Variants in HS3ST5 observed in about 807,000 individuals in gnomAD.
The protein encoded by HS3ST5 is heparan sulfate glucosamine 3-O-sulfotransferase 5.
HS3ST5 carries 10 observed loss-of-function variants against 25.4 expected under a neutral mutation model. That is an observed-to-expected ratio of 0.39 (90% CI 0.24 to 0.67). HS3ST5 has a LOEUF of 0.67. Among genes scored for constraint, HS3ST5 ranks in the 30% least tolerant of loss-of-function variants. The probability of loss-of-function intolerance (pLI) is 0.44; values close to 1 mark genes in which losing one functional copy is unlikely to be tolerated. For missense variants in HS3ST5, 324 were observed against 420.7 expected (o/e 0.77, Z 2.01); for synonymous variants, 170 against 162.4 (o/e 1.05, Z -0.36).
chr6:114,133,121 C>G lies in HS3ST5; in HGVS notation c.-33+35230G>C, dbSNP rs144254715. ...CTCTAGATCCTGCATCTAGATCTGC[C>G]CTTCCTGAATGATGTTCTTGCACAG... On this transcript the variant is annotated intron_variant, in intron 3 of 4. Transcript: ENST00000312719. 4.6e-5 allele frequency among the ~76,000 whole-genome samples: 7 copies of G among 152,192 alleles called. No homozygotes were observed. The East Asian group carries it at 1.4e-3, about 29-fold the overall frequency.
chr6:114,340,723 C>CT (rs1260801954), intron 1 of HS3ST5: 2 of 151,978 alleles, frequency 1.3e-5, no homozygotes, highest in African/African-American at 4.8e-5. Context: ...GCAATAAAAC[C>CT]TTTTTTAAAA....
chr6:114,294,109 A>C (rs1024340277), intron 1 of HS3ST5, among the ~76,000 whole-genome samples: 19 of 152,236 alleles, frequency 1.2e-4, no homozygotes, highest in Admixed American at 1.2e-3. Flanking sequence ...AGAAACACTT[A>C]AGGAGAAGCA....
chr6:114,306,683 T>C (rs892302215), intron 1 of HS3ST5, among the ~76,000 whole-genome samples: 4 of 152,144 alleles, frequency 2.6e-5, no homozygotes, highest in African/African-American at 9.7e-5. Flanking sequence ...GCTATAAAAA[T>C]AGCTATATGT....
intron 1 of HS3ST5, among the ~76,000 whole-genome samples, chr6:114,253,282 T>C (rs887489134): frequency 3.9e-5 from 6 of 152,194 alleles, no homozygotes; most frequent in African/African-American, 1.4e-4. Flanking sequence ...ATAAAAATAT[T>C]AATAAGATAT....
chr6:114,297,023 A>T (rs2114794632), intron 1 of HS3ST5, among the ~76,000 whole-genome samples: 1 of 152,188 alleles, frequency 6.6e-6, no homozygotes, highest in East Asian at 1.9e-4. Flanking sequence ...ATAAAAATAA[A>T]AACACCGTTC....
chr6:114,158,450 TTTATTA>T (rs1201669409), intron 3 of HS3ST5, among the ~76,000 whole-genome samples: 1 of 152,142 alleles, frequency 6.6e-6, no homozygotes, highest in Non-Finnish European at 1.5e-5. Flanking sequence ...GTAGACTTTA[TTTATTA>T]TTATTAACAT....
chr6:114,284,728 G>A (rs1774263174), intron 1 of HS3ST5, among the ~76,000 whole-genome samples: 1 of 151,758 alleles, frequency 6.6e-6, no homozygotes, highest in African/African-American at 2.4e-5. Flanking sequence ...TATTGTAGAG[G>A]TAAAAAGTGA....
At chr6:114,140,017 A>G (rs1304429759) in intron 3 of HS3ST5, among the ~76,000 whole-genome samples, 3 of 152,184 alleles carry the variant, frequency 2.0e-5, no homozygotes, top group Admixed American at 2.0e-4. Flanking sequence ...TTCCTGAGTG[A>G]TGGATACAAA....
intron 3 of HS3ST5, among the ~76,000 whole-genome samples, chr6:114,167,186 TG>T (rs1779258825): frequency 6.6e-6 from 1 of 152,200 alleles, no homozygotes; most frequent in Non-Finnish European, 1.5e-5. Flanking sequence ...CAATAGCAAC[TG>T]GTCACTGCGC....
chr6:114,282,104 T>C (rs1397670773), intron 1 of HS3ST5: 1 of 152,000 alleles, frequency 6.6e-6, no homozygotes, highest in East Asian at 1.9e-4. Context: ...AGTTTATGGG[T>C]ATGTATAATA....
At chr6:114,175,927 G>A (rs561382225) in intron 2 of HS3ST5, among the ~76,000 whole-genome samples, 2 of 152,132 alleles carry the variant, frequency 1.3e-5, no homozygotes, top group African/African-American at 4.8e-5. Context: ...TGTCTCTTTA[G>A]TATATTCTTA....
At position 114,156,471 on chromosome 6, in the gene HS3ST5, A is replaced by ATATTTTTAT. The variant is rs568379696; in HGVS notation, c.-33+11879_-33+11880insATAAAAATA. On this transcript the variant is annotated intron_variant, in intron 3 of 4. Coordinates refer to ENST00000312719, the MANE Select transcript of HS3ST5 (RefSeq NM_153612.4). ...TTAAGTTTAAAAATATGTATTTAACAGACAACGGATAGTGTAACTCTCTTA... is the reference window on the plus strand; with the variant it reads ...TTAAGTTTAAAAATATGTATTTAACATATTTTTATGACAACGGATAGTGTAACTCTCTTA... Among the ~76,000 whole-genome samples, 52 of 152,392 alleles carry ATATTTTTAT rather than the reference A, an allele frequency of 3.4e-4. No homozygotes were observed. In the South Asian group the frequency reaches 8.5e-3, roughly 25 times the overall value.
At chr6:114,082,115 T>C (rs1774485597) in intron 3 of HS3ST5, among the ~76,000 whole-genome samples, 1 of 152,188 alleles carries the variant, frequency 6.6e-6, no homozygotes, top group South Asian at 2.1e-4. Context: ...CTGCCAGAAG[T>C]AGAATTTCCT....
At chr6:114,253,186 C>A (rs951653207) in intron 1 of HS3ST5, among the ~76,000 whole-genome samples, 3 of 152,060 alleles carry the variant, frequency 2.0e-5, no homozygotes, top group Admixed American at 6.6e-5. Context: ...GACAATGAGA[C>A]CCTATCTCAA....
At chr6:114,157,269 T>C (rs1778743170) in intron 3 of HS3ST5, among the ~76,000 whole-genome samples, 1 of 152,246 alleles carries the variant, frequency 6.6e-6, no homozygotes, top group South Asian at 2.1e-4. Flanking sequence ...CTCTGTTTAC[T>C]GCCCCAGCCT....
chr6:114,198,283 G>A (rs1780857350), intron 2 of HS3ST5, among the ~76,000 whole-genome samples: 1 of 152,120 alleles, frequency 6.6e-6, no homozygotes, highest in South Asian at 2.1e-4. Context: ...TGAGATATAT[G>A]GGATTATACA....
At chr6:114,264,639 T>G (rs1773325723) in intron 1 of HS3ST5, among the ~76,000 whole-genome samples, 1 of 151,000 alleles carries the variant, frequency 6.6e-6, no homozygotes, top group African/African-American at 2.5e-5. Flanking sequence ...TTTGTAAGAG[T>G]TTTTCATGTT....
intron 2 of HS3ST5, among the ~76,000 whole-genome samples, chr6:114,212,216 G>C (rs948109990): frequency 4.6e-5 from 7 of 152,206 alleles, no homozygotes; most frequent in East Asian, 1.9e-4. Flanking sequence ...AGGATACACA[G>C]AGCTTTCTTC....
chr6:114,216,023 G>C (rs1413100486), intron 2 of HS3ST5, among the ~76,000 whole-genome samples: 1 of 152,146 alleles, frequency 6.6e-6, no homozygotes, highest in Non-Finnish European at 1.5e-5. Flanking sequence ...CATCTGACAG[G>C]ATCAAGGACA....
Sources: allele counts gnomAD v4.1 joint callset (sites outside exome capture counted in the v4.1 genomes callset), GRCh38; gene constraint gnomAD v4.1.1; transcripts MANE v1.5; gene names NCBI Gene and HGNC (gene_info 2026-07-23, HGNC 2026-07-21).